CREBRF: variants seen among roughly 807,000 people sequenced by gnomAD.
CREBRF encodes the protein CREB3 regulatory factor, also known as UPF0474 protein C5orf41.
In CREBRF, 5 loss-of-function variants were observed where a neutral mutation model predicts 66.1. The observed-to-expected ratio is 0.08, with a 90% confidence interval of 0.04 to 0.16. CREBRF has a LOEUF of 0.16. Among genes scored for constraint, CREBRF ranks in the 10% least tolerant of loss-of-function variants. The probability of loss-of-function intolerance (pLI) is 1.00; values close to 1 mark genes in which losing one functional copy is unlikely to be tolerated. For missense variants in CREBRF, 531 were observed against 744.9 expected (o/e 0.71, Z 3.34); for synonymous variants, 229 against 264.4 (o/e 0.87, Z 1.30).
At chr5:173,076,057 CAAAAA>C (rs35215379) in intron 1 of CREBRF, among the ~76,000 whole-genome samples, 1 of 92,576 alleles carries the variant, frequency 1.1e-5, no homozygotes, top group Non-Finnish European at 2.1e-5. Flanking sequence ...CCCATCTCTA[CAAAAA>C]AAAAAAAAAA....
chr5:173,102,746 G>A (rs1256119926), intron 4 of CREBRF, among the ~76,000 whole-genome samples: 1 of 152,098 alleles, frequency 6.6e-6, no homozygotes, highest in Non-Finnish European at 1.5e-5. Flanking sequence ...TAGGACTGTG[G>A]GTGTGAGCCT....
chr5:173,136,245 G>A lies in CREBRF; in HGVS notation c.*2500G>A, dbSNP rs1759586087. 6.6e-6 allele frequency: 1 copy of A among 151,712 alleles called. No individual in the cohort carries two copies. Among genetic ancestry groups the A allele is most frequent in the Admixed American group, 6.6e-5 (1 of 15,180 alleles). 9.4% of individuals were successfully genotyped at this position (151,712 alleles called of 1,614,324 possible). ...TGCATTTCAAAAAAAAAAAGACTTT[G>A]AATCTGTTTAGTAGATTCCATATCT... On this transcript the variant is annotated 3_prime_UTR_variant, in exon 9 of 9. Transcript: ENST00000296953.
intron 4 of CREBRF, among the ~76,000 whole-genome samples, chr5:173,093,238 C>T (rs1758393415): frequency 6.6e-6 from 1 of 152,138 alleles, no homozygotes; most frequent in Non-Finnish European, 1.5e-5. Flanking sequence ...CAGAAGGAGT[C>T]AGTAAATCCT....
intron 1 of CREBRF, among the ~76,000 whole-genome samples, chr5:173,068,802 C>T (rs1390814263): frequency 1.3e-5 from 2 of 151,966 alleles, no homozygotes; most frequent in Non-Finnish European, 1.5e-5. Context: ...GGCGCGGTGG[C>T]TCACGCCTGT....
At position 173,137,033 on chromosome 5, in the gene CREBRF, A is replaced by C. The variant is rs890709211; in HGVS notation, c.*3288A>C. 3 of 151,670 alleles carry C rather than the reference A, an allele frequency of 2.0e-5. No individual in the cohort carries two copies. Among genetic ancestry groups the C allele is most frequent in the African/African-American group, 7.3e-5 (3 of 41,310 alleles). The allele number at this position is 151,670 out of a possible 1,614,324, so 9.4% of individuals were successfully genotyped here. A position where few individuals can be genotyped will look rare whatever the true frequency, so the allele number is the denominator to read the frequency against. On this transcript the variant is annotated 3_prime_UTR_variant, in exon 9 of 9. Transcript: ENST00000296953. ...TGGATTCTTTATAGAGTTTGTCTCCATATGAAAGCATGCTGTCCAGTCGCT... is the reference window on the plus strand; with the variant it reads ...TGGATTCTTTATAGAGTTTGTCTCCCTATGAAAGCATGCTGTCCAGTCGCT...
At chr5:173,099,366 G>C (rs1758559274) in intron 4 of CREBRF, among the ~76,000 whole-genome samples, 1 of 152,090 alleles carries the variant, frequency 6.6e-6, no homozygotes, top group South Asian at 2.1e-4. Context: ...ATGTTGCCTA[G>C]GCTGGTCTTG....
chr5:173,124,919 CTTTT>C (rs373993898), intron 8 of CREBRF, among the ~76,000 whole-genome samples: 8 of 112,766 alleles, frequency 7.1e-5, no homozygotes, highest in South Asian at 5.8e-4. Context: ...TCTTCTTCTT[CTTTT>C]TTTTTTTTTT....
At chr5:173,130,857 A>G (rs1182471555) in intron 8 of CREBRF, among the ~76,000 whole-genome samples, 1 of 152,024 alleles carries the variant, frequency 6.6e-6, no homozygotes, top group African/African-American at 2.4e-5. Flanking sequence ...GTCGTACACC[A>G]CCATGCCTGG....
rs1758129952 is a variant in CREBRF, at chr5:173,085,816, G to C, written c.10-685G>C. On this transcript the variant is annotated intron_variant, in intron 2 of 8. Coordinates refer to ENST00000296953, the MANE Select transcript of CREBRF (RefSeq NM_153607.3). ...TCAGCTTTTTAGCAGTCTCTGGAGT[G>C]ATAGGCTTCTGTTTGTTCTTGGCAA... 3.8e-6 allele frequency: 3 copies of C among 780,528 alleles called. No individual in the cohort carries two copies. The South Asian group carries it at 4.0e-5, about 10-fold the overall frequency. 48.4% of individuals were successfully genotyped at this position (780,528 alleles called of 1,614,324 possible). A position where few individuals can be genotyped will look rare whatever the true frequency, so the allele number is the denominator to read the frequency against.
At position 173,129,106 on chromosome 5, in the gene CREBRF, C is replaced by CTTTTTTTTTTT. The variant is rs70984946; in HGVS notation, c.1805-4506_1805-4496dup. ...CTGAATCATTTTATATTAGTTACAT[C>CTTTTTTTTTTT]TTTTTTTTTTTTTTTTTTTTTTTTT... On this transcript the variant is annotated intron_variant, in intron 8 of 8. Transcript: ENST00000296953. 5.8e-4 allele frequency among the ~76,000 whole-genome samples: 31 copies of CTTTTTTTTTTT among 53,750 alleles called. 3 individuals carry two copies. Among genetic ancestry groups the CTTTTTTTTTTT allele is most frequent in the South Asian group, 1.9e-3 (2 of 1,070 alleles). 35.3% of individuals were successfully genotyped at this position (53,750 alleles called of 152,430 possible).
At chr5:173,103,940 G>A (rs995052836) in intron 4 of CREBRF, among the ~76,000 whole-genome samples, 3 of 152,120 alleles carry the variant, frequency 2.0e-5, no homozygotes, top group Admixed American at 6.5e-5. Context: ...AGTTAGATTA[G>A]TATGATGATC....
chr5:173,103,888 G>A (rs756624039), intron 4 of CREBRF, among the ~76,000 whole-genome samples: 2 of 152,106 alleles, frequency 1.3e-5, no homozygotes, highest in Non-Finnish European at 2.9e-5. Flanking sequence ...CAGTAAATGT[G>A]GTATTTGTTA....
intron 1 of CREBRF, among the ~76,000 whole-genome samples, chr5:173,069,974 C>T (rs369109523): frequency 1.3e-4 from 20 of 151,510 alleles, no homozygotes; most frequent in African/African-American, 4.1e-4. Flanking sequence ...GTGATCTCGG[C>T]TTACTGTAAT....
intron 4 of CREBRF, among the ~76,000 whole-genome samples, chr5:173,092,693 T>A (rs1304470087): frequency 6.6e-6 from 1 of 152,198 alleles, no homozygotes; most frequent in Non-Finnish European, 1.5e-5. Flanking sequence ...GAAAGGCGTT[T>A]AAAGCATAAT....
intron 4 of CREBRF, among the ~76,000 whole-genome samples, chr5:173,100,511 C>T (rs1758603905): frequency 6.6e-6 from 1 of 151,772 alleles, no homozygotes; most frequent in Non-Finnish European, 1.5e-5. Context: ...TGCAACTCCA[C>T]CTCCCGGGTT....
intron 8 of CREBRF, chr5:173,123,426 C>T: frequency 2.4e-6 from 1 of 417,158 alleles, no homozygotes; most frequent in Non-Finnish European, 4.2e-6. Flanking sequence ...ACTATTTTAA[C>T]ATTTAAGAAA....
intron 1 of CREBRF, among the ~76,000 whole-genome samples, chr5:173,072,424 G>C (rs1299844282): frequency 6.6e-6 from 1 of 151,852 alleles, no homozygotes; most frequent in African/African-American, 2.4e-5. Flanking sequence ...TACAGGCACT[G>C]GCCACCACGC....
At chr5:173,093,727 G>T (rs1758406808) in intron 4 of CREBRF, among the ~76,000 whole-genome samples, 1 of 152,098 alleles carries the variant, frequency 6.6e-6, no homozygotes, top group Admixed American at 6.6e-5. Context: ...ATGTTGCCCA[G>T]GCATGTCTTG....
intron 4 of CREBRF, among the ~76,000 whole-genome samples, chr5:173,105,351 A>G (rs1055119538): frequency 1.3e-5 from 2 of 152,028 alleles, no homozygotes; most frequent in Admixed American, 6.6e-5. Context: ...ACTGACATTG[A>G]TAGGAAGGTG....
Sources: gnomAD v4.1 joint callset for allele counts (sites outside exome capture counted in the v4.1 genomes callset) on GRCh38, gnomAD v4.1.1 for gene constraint, MANE v1.5 for transcripts, NCBI Gene and HGNC (gene_info 2026-07-23, HGNC 2026-07-21) for gene names.